Variants in YIPF1 observed in about 807,000 individuals in gnomAD.
YIPF1 encodes protein YIPF1.
YIPF1 carries 22 observed loss-of-function variants against 37.0 expected under a neutral mutation model. The observed-to-expected ratio is 0.59, with a 90% confidence interval of 0.42 to 0.85. The LOEUF (loss-of-function observed/expected upper bound fraction) is 0.85, where lower values mean the gene tolerates loss of function less well. Ranked by LOEUF, YIPF1 falls within the 40% of genes least tolerant of loss-of-function variation. The probability of loss-of-function intolerance (pLI) is 0.00; values close to 1 mark genes in which losing one functional copy is unlikely to be tolerated. For missense variants in YIPF1, 355 were observed against 373.1 expected (o/e 0.95, Z 0.40); for synonymous variants, 128 against 131.9 (o/e 0.97, Z 0.21).
chr1:53,872,138 T>A lies in YIPF1; in HGVS notation c.365-650A>T, dbSNP rs114565158. On this transcript the variant is annotated intron_variant, in intron 6 of 10. Coordinates refer to ENST00000072644, the MANE Select transcript of YIPF1 (RefSeq NM_018982.5). The stretch of plus-strand genomic sequence containing the variant: ...ATTAAAAATTAAAAAAAGTAATATA[T>A]GTATATGGTCCAGTGTTTCAAAAGG... Among the ~76,000 whole-genome samples the A allele has an allele frequency of 5.5e-3, 836 of 151,912 alleles. 4 individuals are homozygous for A. Among genetic ancestry groups the A allele is most frequent in the Non-Finnish European group, 9.1e-3 (621 of 67,962 alleles).
chr1:53,866,907 T>C lies in YIPF1; in HGVS notation c.499A>G (p.Ile167Val). The C allele has an allele frequency of 6.2e-7, 1 of 1,612,822 alleles. No individual in the cohort carries two copies. The highest frequency in any genetic ancestry group is 8.5e-7 in the Non-Finnish European group (1 of 1,179,418). The change falls in exon 8 of 11, where the codon ATC becomes GTC. Residue 167 changes from isoleucine (I) to valine (V), a missense_variant. Transcript: ENST00000072644. ...ACCAGCCAGGCATAGGCATAGATGA[T>C]GGTAGCTGCTATGGACACTGAGGAT... ...EFRKVSIAAT[I>V]IYAYAWLVPL... is the part of the protein sequence containing the mutation.
At chr1:53,873,264 T>C (rs1393526236) in intron 6 of YIPF1, among the ~76,000 whole-genome samples, 1 of 151,890 alleles carries the variant, frequency 6.6e-6, no homozygotes, top group African/African-American at 2.4e-5. Flanking sequence ...TGGGAGCATA[T>C]AGGGAAGGTG....
intron 10 of YIPF1, among the ~76,000 whole-genome samples, chr1:53,858,146 G>C (rs915768801): frequency 6.6e-6 from 1 of 152,086 alleles, no homozygotes; most frequent in Admixed American, 6.6e-5. Flanking sequence ...ATGTCTCCAA[G>C]GGCTCTGATC....
At chr1:53,869,815 T>C (rs1650128959) in intron 7 of YIPF1, among the ~76,000 whole-genome samples, 1 of 151,902 alleles carries the variant, frequency 6.6e-6, no homozygotes, top group Admixed American at 6.6e-5. Flanking sequence ...CTAGGACACA[T>C]TCATTTCTGC....
intron 1 of YIPF1, 67 bp downstream of exon 1, chr1:53,889,646 C>A (rs1390891702): frequency 6.6e-6 from 1 of 152,412 alleles, no homozygotes; most frequent in African/African-American, 2.4e-5. Flanking sequence ...GCCGCGGCGG[C>A]CCGGGCGGGC....
At chr1:53,887,810 C>A (rs1250460846) in intron 3 of YIPF1, among the ~76,000 whole-genome samples, 1 of 152,218 alleles carries the variant, frequency 6.6e-6, no homozygotes, top group African/African-American at 2.4e-5. Flanking sequence ...TTCTGTGCCT[C>A]AGTCTCCTCA....
intron 7 of YIPF1, among the ~76,000 whole-genome samples, chr1:53,870,845 T>C (rs1471306867): frequency 6.6e-6 from 1 of 151,404 alleles, no homozygotes; most frequent in Admixed American, 6.6e-5. Context: ...GACCTATCTC[T>C]ATAAAAAAAT....
chr1:53,880,680 A>G (rs1650466287), intron 4 of YIPF1, among the ~76,000 whole-genome samples: 1 of 152,262 alleles, frequency 6.6e-6, no homozygotes, highest in African/African-American at 2.4e-5. Context: ...GTCTACAGTA[A>G]CCAAAACAGC....
At chr1:53,874,180 C>T (rs1340354340) in intron 6 of YIPF1, among the ~76,000 whole-genome samples, 1 of 152,106 alleles carries the variant, frequency 6.6e-6, no homozygotes, top group African/African-American at 2.4e-5. Context: ...ATATAAAAGG[C>T]CCCAGGATCT....
chr1:53,858,132 T>C (rs1012635510), intron 10 of YIPF1, among the ~76,000 whole-genome samples: 2 of 152,186 alleles, frequency 1.3e-5, no homozygotes, highest in Non-Finnish European at 2.9e-5. Context: ...GCCCATGCTA[T>C]TTAATGTCTC....
intron 3 of YIPF1, among the ~76,000 whole-genome samples, chr1:53,883,819 C>G (rs1385375304): frequency 6.6e-6 from 1 of 152,194 alleles, no homozygotes; most frequent in Non-Finnish European, 1.5e-5. Flanking sequence ...AGGCGGATCA[C>G]CTGAGGTCAG....
At chr1:53,885,452 G>A (rs929437915) in intron 3 of YIPF1, among the ~76,000 whole-genome samples, 2 of 152,078 alleles carry the variant, frequency 1.3e-5, no homozygotes, top group Admixed American at 6.5e-5. Context: ...AGGTTGCAGT[G>A]AGCCGAGATC....
chr1:53,878,729 G>A lies in YIPF1; in HGVS notation c.196-7C>T, dbSNP rs775697274. 5 of 1,590,714 alleles carry A rather than the reference G, an allele frequency of 3.1e-6. No homozygotes were observed. Among genetic ancestry groups the A allele is most frequent in the South Asian group, 1.1e-5 (1 of 87,142 alleles). On this transcript the variant is annotated splice_polypyrimidine_tract_variant and splice_region_variant and intron_variant, in intron 4 of 10. Transcript: ENST00000072644. ...TCTTCTGTCCAGCAAGTAACTGTCAGAAATAAAATAAAACATAATGAACAC... is the reference window on the plus strand; with the variant it reads ...TCTTCTGTCCAGCAAGTAACTGTCAAAAATAAAATAAAACATAATGAACAC...
At chr1:53,858,105 G>A (rs1649770735) in intron 10 of YIPF1, among the ~76,000 whole-genome samples, 1 of 151,926 alleles carries the variant, frequency 6.6e-6, no homozygotes, top group African/African-American at 2.4e-5. Flanking sequence ...CTTCCTTATT[G>A]TAAAATGAGG....
intron 6 of YIPF1, among the ~76,000 whole-genome samples, chr1:53,871,940 C>A (rs1650201859): frequency 6.6e-6 from 1 of 151,504 alleles, no homozygotes; most frequent in Admixed American, 6.6e-5. Context: ...AAGAGCAGGG[C>A]AAACAGAACA....
chr1:53,878,258 C>G (rs1650385685), intron 6 of YIPF1, 57 bp downstream of exon 6: 1 of 1,571,816 alleles, frequency 6.4e-7, no homozygotes, highest in African/African-American at 1.4e-5. Flanking sequence ...TCCAGGCAAC[C>G]CTCACACTCA....
At chr1:53,866,051 G>T in intron 9 of YIPF1, 149 bp downstream of exon 9, 1 of 952,528 alleles carries the variant, frequency 1.0e-6, no homozygotes, top group Non-Finnish European at 1.5e-6. Flanking sequence ...CCGCCCACTT[G>T]GGCCTCCCAA....
chr1:53,860,133 T>C lies in YIPF1; in HGVS notation c.852A>G (p.Pro284=), dbSNP rs1342433824. The change falls in exon 10 of 11, where the codon CCA becomes CCG. Residue 284 remains proline (P), a synonymous_variant. Transcript: ENST00000072644. ...VGCLAYFFDA[P]EMDHLPTTTA... ...TAGTTGTTGGGAGATGGTCCATCTCTGGTGCATCAAAAAAGTATGCCTGTG... is the reference window on the plus strand; with the variant it reads ...TAGTTGTTGGGAGATGGTCCATCTCCGGTGCATCAAAAAAGTATGCCTGTG... 7 of 1,614,018 alleles carry C rather than the reference T, an allele frequency of 4.3e-6. No individual in the cohort carries two copies. Among genetic ancestry groups the C allele is most frequent in the East Asian group, 4.5e-5 (2 of 44,886 alleles).
chr1:53,856,476 T>C (rs893404933), intron 10 of YIPF1, among the ~76,000 whole-genome samples: 1 of 152,198 alleles, frequency 6.6e-6, no homozygotes, highest in African/African-American at 2.4e-5. Context: ...TGGGCTCGAA[T>C]TGTCTCGTTC....
Sources: allele counts gnomAD v4.1 joint callset (sites outside exome capture counted in the v4.1 genomes callset), GRCh38; gene constraint gnomAD v4.1.1; transcripts MANE v1.5; gene names NCBI Gene and HGNC (gene_info 2026-07-23, HGNC 2026-07-21).